Variants in DCST2 observed in about 807,000 individuals in gnomAD.
The protein encoded by DCST2 is DC-STAMP domain-containing protein 2.
DCST2 carries 64 observed loss-of-function variants against 81.8 expected under a neutral mutation model. The observed-to-expected ratio is 0.78, with a 90% confidence interval of 0.64 to 0.96. DCST2 has a LOEUF of 0.96. DCST2 is among the 40% of genes least tolerant of loss of function. DCST2 has a pLI of 0.00. For synonymous variants in DCST2, 354 were observed against 402.6 expected, an observed-to-expected ratio of 0.88 and a Z score of 1.44; for missense variants, 945 against 1,001.4, an observed-to-expected ratio of 0.94 and a Z score of 0.76.
At chr1:155,024,625 G>A (rs1221278821) in intron 10 of DCST2, 23 bp from the exon 11 acceptor site, 6 of 1,579,032 alleles carry the variant, frequency 3.8e-6, no homozygotes, top group Admixed American at 1.8e-5. Flanking sequence ...GATCAGGGAT[G>A]GGGTCCCACT....
intron 10 of DCST2, among the ~76,000 whole-genome samples, chr1:155,025,037 CTCGGGAGGCTGAGGCAGGAGAA>C (rs1659861354): frequency 6.6e-6 from 1 of 151,454 alleles, no homozygotes; most frequent in South Asian, 2.1e-4. Flanking sequence ...ATCCCAGCTA[CTCGGGAGGCTGAGGCAGGAGAA>C]TCGTTTGAAC....
chr1:155,026,678 G>A lies in DCST2; in HGVS notation c.1380C>T (p.Gly460=), dbSNP rs1192377232. ...VLVSLTVEGT[G]YAGNIYRDLV... ...GGTCACGATAAATATTCCCAGCGTA[G>A]CCAGTACCTTCCACGGTTAGAGACA... The change falls in exon 9 of 15, where the codon GGC becomes GGT. Residue 460 remains glycine, a synonymous_variant. Transcript: ENST00000368424. 6.2e-7 allele frequency: 1 copy of A among 1,614,120 alleles called. No individual in the cohort carries two copies. Among genetic ancestry groups the A allele is most frequent in the Non-Finnish European group, 8.5e-7 (1 of 1,180,058 alleles).
rs114756009 is a variant in DCST2, at chr1:155,033,775, G to A, written c.-74C>T. On this transcript the variant is annotated 5_prime_UTR_variant, in exon 1 of 15. It adds an upstream start codon to the 5' untranslated region. Coordinates refer to ENST00000368424, the MANE Select transcript of DCST2 (RefSeq NM_144622.3). ...TTCTGTGCTCCTGGAATTTCTCACC[G>A]TATTCTAAGGTTCCAAAGGGCTTTC... 2.3e-4 allele frequency: 364 copies of A among 1,558,638 alleles called. No homozygotes were observed. Among genetic ancestry groups the A allele is most frequent in the Admixed American group, 6.2e-4 (33 of 53,418 alleles).
chr1:155,023,825 G>A lies in DCST2; in HGVS notation c.1870+7C>T, dbSNP rs370567417. ...CAGGGAGAGGCACACGCCCCAGGGG[G>A]TCTCACCTTGGCAGCCGGGGGTACT... is the stretch of plus-strand genomic sequence containing the variant. On this transcript the variant is annotated splice_region_variant and intron_variant, in intron 12 of 14. Transcript: ENST00000368424. 3 of 1,613,330 alleles carry A rather than the reference G, an allele frequency of 1.9e-6. No homozygotes were observed. The highest frequency in any genetic ancestry group is 1.1e-5 in the South Asian group (1 of 90,874).
At chr1:155,030,402 C>G (rs958064640) in intron 6 of DCST2, 30 bp downstream of exon 6, 25 of 1,608,516 alleles carry the variant, frequency 1.6e-5, no homozygotes, top group Non-Finnish European at 2.0e-5. Flanking sequence ...CCCGGCCCTG[C>G]ATCCCCCACG....
At chr1:155,019,699 GTCC>G (rs1659692143) in intron 14 of DCST2, among the ~76,000 whole-genome samples, 1 of 152,164 alleles carries the variant, frequency 6.6e-6, no homozygotes, top group Non-Finnish European at 1.5e-5. Context: ...ACTCCATCTT[GTCC>G]TCCTGACCTG....
intron 14 of DCST2, among the ~76,000 whole-genome samples, chr1:155,020,538 T>C (rs1181959918): frequency 6.6e-6 from 1 of 152,068 alleles, no homozygotes; most frequent in Admixed American, 6.5e-5. Context: ...CCTAATTTTT[T>C]GTATTTTTAG....
chr1:155,026,294 C>T lies in DCST2; in HGVS notation c.1611+8G>A. ...GCAGGGACTAGCTCCCAGCCCCGGA[C>T]CCCTCACCTGCTCCCGGGATGGGTA... On this transcript the variant is annotated splice_region_variant and intron_variant, in intron 10 of 14. Transcript: ENST00000368424. The T allele has an allele frequency of 6.2e-7, 1 of 1,613,536 alleles. No individual in the cohort carries two copies. Among genetic ancestry groups the T allele is most frequent in the Non-Finnish European group, 8.5e-7 (1 of 1,179,922 alleles).
intron 8 of DCST2, among the ~76,000 whole-genome samples, chr1:155,027,132 G>A (rs780308528): frequency 6.7e-6 from 1 of 150,242 alleles, no homozygotes; most frequent in Non-Finnish European, 1.5e-5. Flanking sequence ...TCCCAGGTTT[G>A]AGTGATTCTC....
At chr1:155,021,601 T>C (rs905928282) in intron 14 of DCST2, among the ~76,000 whole-genome samples, 3 of 151,888 alleles carry the variant, frequency 2.0e-5, no homozygotes, top group African/African-American at 4.9e-5. Context: ...CCCGGATCCC[T>C]GCCCTTTTCT....
chr1:155,026,809 T>C, intron 8 of DCST2, 94 bp from the exon 9 acceptor site: 1 of 1,487,500 alleles, frequency 6.7e-7, no homozygotes, highest in Non-Finnish European at 9.2e-7. Flanking sequence ...GCAGCGCAGG[T>C]CATAGGATGA....
At chr1:155,027,618 T>C (rs918654594) in intron 8 of DCST2, among the ~76,000 whole-genome samples, 5 of 141,050 alleles carry the variant, frequency 3.5e-5, no homozygotes, top group African/African-American at 1.1e-4. Flanking sequence ...TGGAGTGCAG[T>C]GGTGTGATCT....
chr1:155,025,945 C>T (rs1659895701), intron 10 of DCST2, among the ~76,000 whole-genome samples: 2 of 151,710 alleles, frequency 1.3e-5, no homozygotes, highest in African/African-American at 4.9e-5. Context: ...TTGCCTCAAG[C>T]AGTCTGCCTG....
chr1:155,022,860 G>T lies in DCST2; in HGVS notation c.2105+257C>A, dbSNP rs1659790800. ...TTGTGTCCTCTGTGCTGTCCAGAGTGTACTTCACTCCTTTATCAGGGTGCT... is the reference window on the plus strand; with the variant it reads ...TTGTGTCCTCTGTGCTGTCCAGAGTTTACTTCACTCCTTTATCAGGGTGCT... On this transcript the variant is annotated intron_variant, in intron 14 of 14. Transcript: ENST00000368424. Among the ~76,000 whole-genome samples the T allele has an allele frequency of 3.3e-5, 5 of 152,138 alleles. No individual in the cohort carries two copies. In the South Asian group the frequency reaches 8.3e-4, roughly 25 times the overall value.
intron 11 of DCST2, 32 bp downstream of exon 11, chr1:155,024,440 C>T: frequency 6.4e-7 from 1 of 1,554,352 alleles, no homozygotes; most frequent in Non-Finnish European, 8.7e-7. Context: ...TCCCCTCTTG[C>T]CCCACCCCTA....
chr1:155,020,937 C>T (rs1325047933), intron 14 of DCST2, among the ~76,000 whole-genome samples: 1 of 151,908 alleles, frequency 6.6e-6, no homozygotes, highest in Non-Finnish European at 1.5e-5. Flanking sequence ...ATCCCTCCCA[C>T]CTTAGCCTCC....
In DCST2 at chr1:155,026,639, A is replaced by G. The variant is rs1229417259; in HGVS notation, c.1419T>C (p.Phe473=). ...GNIYRDLVSA[F]DVLQQGNISI... ...TGATGTTGCCTTGCTGCAGGACATC[A>G]AATGCTGACACCAGGTCACGATAAA... Residue 473 remains phenylalanine, a synonymous_variant, in exon 9 of 15, where the codon TTT becomes TTC. Transcript: ENST00000368424. 1.9e-6 allele frequency: 3 copies of G among 1,614,246 alleles called. No homozygotes were observed. The South Asian group carries it at 3.3e-5, about 18-fold the overall frequency.
chr1:155,033,724 C>A lies in DCST2; in HGVS notation c.-23G>T. 6.2e-7 allele frequency: 1 copy of A among 1,605,366 alleles called. No individual in the cohort carries two copies. The highest frequency in any genetic ancestry group is 8.5e-7 in the Non-Finnish European group (1 of 1,174,536). ...CATGGCTGCTGAGACCAAATGTCTG[C>A]CTGTCTCCAGGAGATGCCCGCTGAC... On this transcript the variant is annotated 5_prime_UTR_variant, in exon 1 of 15. Transcript: ENST00000368424.
chr1:155,018,778 G>C lies in DCST2; in HGVS notation c.2106-18C>G, dbSNP rs370450478. 1.2e-6 allele frequency: 2 copies of C among 1,607,912 alleles called. No individual in the cohort carries two copies. The highest frequency in any genetic ancestry group is 1.3e-5 in the African/African-American group (1 of 74,920). On this transcript the variant is annotated intron_variant, in intron 14 of 14. Transcript: ENST00000368424. ...CCAGGTCACTAGTGAGGAGAGGAAG[G>C]GGGTGGCCGGATCACCCACCTTCTG...
Sources: gnomAD v4.1 joint callset for allele counts (sites outside exome capture counted in the v4.1 genomes callset) on GRCh38, gnomAD v4.1.1 for gene constraint, MANE v1.5 for transcripts, NCBI Gene and HGNC (gene_info 2026-07-23, HGNC 2026-07-21) for gene names.